Variants in OCA2 observed in about 807,000 individuals in gnomAD.
The protein encoded by OCA2 is P protein.
In OCA2, 77 loss-of-function variants were observed where a neutral mutation model predicts 100.2. That is an observed-to-expected ratio of 0.77 (90% confidence interval 0.64 to 0.93). OCA2 has a LOEUF of 0.93. Among genes scored for constraint, OCA2 ranks in the 40% least tolerant of loss-of-function variants. The pLI is 0.00. For missense variants in OCA2, 1,062 were observed against 1,089.1 expected, an observed-to-expected ratio of 0.98 and a Z score of 0.35; for synonymous variants, 432 against 439.2, an observed-to-expected ratio of 0.98 and a Z score of 0.21.
intron 2 of OCA2, among the ~76,000 whole-genome samples, chr15:28,053,169 T>C (rs2043570276): frequency 6.6e-6 from 1 of 152,284 alleles, no homozygotes; most frequent in East Asian, 1.9e-4. Context: ...AAAGAGTTGG[T>C]TGGAGAGGCT....
chr15:27,851,596 T>C, intron 21 of OCA2, 121 bp from the exon 22 acceptor site: 5 of 859,518 alleles, frequency 5.8e-6, no homozygotes, highest in Non-Finnish European at 9.6e-6. Flanking sequence ...AGCATAAGAT[T>C]TGTGGAAAGA....
chr15:27,806,594 G>A (rs1370332096), intron 23 of OCA2, among the ~76,000 whole-genome samples: 2 of 152,236 alleles, frequency 1.3e-5, no homozygotes, highest in African/African-American at 2.4e-5. Flanking sequence ...CGTGCCCTTG[G>A]CTTCCCGCCG....
chr15:27,958,965 C>T (rs370761602), intron 15 of OCA2, among the ~76,000 whole-genome samples: 20 of 152,260 alleles, frequency 1.3e-4, no homozygotes, highest in African/African-American at 3.4e-4. Context: ...AATGGGAAAA[C>T]GCCACCTTTT....
intron 19 of OCA2, among the ~76,000 whole-genome samples, chr15:27,919,239 T>C (rs1162841116): frequency 2.0e-5 from 3 of 152,152 alleles, no homozygotes; most frequent in African/African-American, 7.2e-5. Flanking sequence ...CTCTAGGTGG[T>C]GCAATTATCC....
chr15:28,053,359 GA>G (rs1380271663), intron 2 of OCA2, among the ~76,000 whole-genome samples: 1 of 152,172 alleles, frequency 6.6e-6, no homozygotes, highest in African/African-American at 2.4e-5. Context: ...AGGGGACCAG[GA>G]AACGCCCCCC....
Position 27,989,645 on chromosome 15 carries a change from C to G in OCA2, c.1138G>C (p.Val380Leu), listed in dbSNP as rs41529845. 2.5e-5 allele frequency: 41 copies of G among 1,614,032 alleles called. No homozygotes were observed. The African/African-American group carries it at 5.5e-4, about 22-fold the overall frequency. The change falls in exon 11 of 24, where the codon GTG (valine) becomes CTG (leucine). Residue 380 changes from valine (V) to leucine (L), a missense_variant. Transcript: ENST00000354638. Reference sequence around the variant, plus strand: ...AGCGTCTCAAAATCAATCCACTCCACCACATGGGTCAGGCTGGGTCTCTGC... The same window carrying G: ...AGCGTCTCAAAATCAATCCACTCCAGCACATGGGTCAGGCTGGGTCTCTGC... ...IGDRPSLTHVVEWIDFETLAL... is the reference protein window; with the variant it reads ...IGDRPSLTHVLEWIDFETLAL...
the OCA2 span, among the ~76,000 whole-genome samples, chr15:27,728,396 C>CT: frequency 1.3e-4 from 19 of 149,898 alleles, no homozygotes; most frequent in South Asian, 2.1e-4. Context: ...ATCTTACCCC[C>CT]TTTTTTTTTT....
At chr15:28,070,707 T>C (rs1380859472) in intron 2 of OCA2, among the ~76,000 whole-genome samples, 2 of 149,354 alleles carry the variant, frequency 1.3e-5, no homozygotes, top group Admixed American at 1.3e-4. Context: ...AATGGCGGCT[T>C]TGTGGAATAG....
intron 17 of OCA2, among the ~76,000 whole-genome samples, chr15:27,954,631 C>T (rs1212580916): frequency 2.0e-5 from 3 of 151,918 alleles, no homozygotes; most frequent in Non-Finnish European, 4.4e-5. Context: ...AGAGCTCTCT[C>T]GACTGGGAAG....
At chr15:27,777,585 T>C (rs2032308027) in intron 23 of OCA2, among the ~76,000 whole-genome samples, 4 of 152,244 alleles carry the variant, frequency 2.6e-5, no homozygotes, top group Admixed American at 2.0e-4. Flanking sequence ...GGCTTGTCCA[T>C]GTGCACACAT....
At chr15:27,897,271 G>A (rs2037742946) in intron 19 of OCA2, among the ~76,000 whole-genome samples, 1 of 152,110 alleles carries the variant, frequency 6.6e-6, no homozygotes, top group African/African-American at 2.4e-5. Flanking sequence ...AGTTTCCTGG[G>A]TCGGGCCCAG....
the OCA2 span, among the ~76,000 whole-genome samples, chr15:27,741,612 TTA>T: frequency 6.6e-6 from 1 of 152,144 alleles, no homozygotes; most frequent in African/African-American, 2.4e-5. Context: ...GTCCAGCTAA[TTA>T]TTTATGAGGG....
At chr15:28,003,067 TG>T (rs2041976780) in intron 9 of OCA2, among the ~76,000 whole-genome samples, 1 of 152,256 alleles carries the variant, frequency 6.6e-6, no homozygotes, top group Admixed American at 6.5e-5. Context: ...CTGTGGGCTG[TG>T]GGCCTGCGGG....
chr15:27,731,414 G>A, the OCA2 span, among the ~76,000 whole-genome samples: 5 of 152,272 alleles, frequency 3.3e-5, no homozygotes, highest in South Asian at 1.0e-3. Context: ...ATCTCTTTTG[G>A]AGAATGAAAT....
chr15:27,946,619 T>C (rs1462612747), intron 18 of OCA2, among the ~76,000 whole-genome samples: 1 of 152,220 alleles, frequency 6.6e-6, no homozygotes, highest in Admixed American at 6.5e-5. Flanking sequence ...AATTTGCGAA[T>C]CGTTCATCAT....
At chr15:27,905,709 C>T (rs368961100) in intron 19 of OCA2, among the ~76,000 whole-genome samples, 40 of 152,312 alleles carry the variant, frequency 2.6e-4, no homozygotes, top group African/African-American at 7.2e-4. Flanking sequence ...CGCAGAAGAG[C>T]GCCAGGAATC....
At position 27,883,837 on chromosome 15, in the gene OCA2, C is replaced by T. The variant is rs547610016; in HGVS notation, c.2080-11915G>A. 3.3e-5 allele frequency among the ~76,000 whole-genome samples: 5 copies of T among 152,300 alleles called. No homozygotes were observed. The South Asian group carries it at 1.0e-3, about 32-fold the overall frequency. ...ATGATGTCCTGTCTCATTTTAAAAT[C>T]ATCTTCATCAAAATCTGACCTGAGC... is the stretch of plus-strand genomic sequence containing the variant. On this transcript the variant is annotated intron_variant, in intron 19 of 23. Transcript: ENST00000354638.
chr15:27,880,516 G>A (rs1011939663), intron 19 of OCA2, among the ~76,000 whole-genome samples: 3 of 151,964 alleles, frequency 2.0e-5, no homozygotes, highest in African/African-American at 7.3e-5. Flanking sequence ...ATTTCTTTGT[G>A]TCCTCTTTGT....
intron 19 of OCA2, among the ~76,000 whole-genome samples, chr15:27,897,053 G>T (rs754871069): frequency 2.0e-5 from 3 of 152,090 alleles, no homozygotes; most frequent in Admixed American, 6.5e-5. Context: ...AGCCGGGTGT[G>T]GTGGTGGGTG....
Sources: allele counts gnomAD v4.1 joint callset (sites outside exome capture counted in the v4.1 genomes callset), GRCh38; gene constraint gnomAD v4.1.1; transcripts MANE v1.5; gene names NCBI Gene and HGNC (gene_info 2026-07-23, HGNC 2026-07-21).